Variants in SLC45A4 observed in about 807,000 individuals in gnomAD.
The protein encoded by SLC45A4 is polyamine-transporter SLC45A4.
In SLC45A4, 32 loss-of-function variants were observed where a neutral mutation model predicts 63.7. That is an observed-to-expected ratio of 0.50 (90% CI 0.38 to 0.67). The LOEUF (loss-of-function observed/expected upper bound fraction) is 0.67, where lower values mean the gene tolerates loss of function less well. Ranked by LOEUF, SLC45A4 falls within the 30% of genes least tolerant of loss-of-function variation. The pLI is 0.00. For missense variants in SLC45A4, 1,027 were observed against 1,157.7 expected, an observed-to-expected ratio of 0.89 and a Z score of 1.64; for synonymous variants, 535 against 510.0, an observed-to-expected ratio of 1.05 and a Z score of -0.66.
At chr8:141,291,239 A>C (rs1830336563) in intron 1 of SLC45A4, among the ~76,000 whole-genome samples, 1 of 152,204 alleles carries the variant, frequency 6.6e-6, no homozygotes, top group African/African-American at 2.4e-5. Flanking sequence ...TGTGAGAACA[A>C]GTTTACAGCT....
chr8:141,234,688 C>A (rs1390320919), intron 2 of SLC45A4, among the ~76,000 whole-genome samples: 1 of 152,200 alleles, frequency 6.6e-6, no homozygotes, highest in Non-Finnish European at 1.5e-5. Flanking sequence ...GGCCCTTAGA[C>A]CCTGTCAGGG....
chr8:141,301,317 TTA>T (rs540860533), intron 1 of SLC45A4, among the ~76,000 whole-genome samples: 243 of 152,328 alleles, frequency 1.6e-3, no homozygotes, highest in African/African-American at 5.6e-3. Context: ...TCAATGATAT[TTA>T]TGTTTCTGTG....
In SLC45A4 at chr8:141,254,004, T is replaced by C. The variant is rs770793974; in HGVS notation, c.226A>G (p.Ile76Val). 5 of 1,536,160 alleles carry C rather than the reference T, an allele frequency of 3.3e-6. No homozygotes were observed. The highest frequency in any genetic ancestry group is 1.4e-5 in the African/African-American group (1 of 73,170). ...GGAGACTTACCAATCTGCAACAGTA[T>C]TGGTGTGACCAGAGCGGTTTCCATG... Reference protein sequence around the residue: ...YAMETALVTPILLQIGLPEQY... With the variant: ...YAMETALVTPVLLQIGLPEQY... Residue 76 changes from isoleucine to valine, a missense_variant, in exon 2 of 9, where the codon ATA becomes GTA. Physicochemically the swap from Ile to Val is conservative, Grantham distance 29. Transcript: ENST00000517878. This position sits in a 1 kb window ranked among gnomAD's most constrained non-coding sequence, Gnocchi z 4.5.
In SLC45A4 at chr8:141,219,743, C is replaced by T. The variant is rs1826469423; in HGVS notation, c.517G>A (p.Asp173Asn). Residue 173 changes from aspartate to asparagine, a missense_variant, in exon 4 of 9, where the codon GAT (aspartate) becomes AAT (asparagine). By Grantham distance (23) the Asp-to-Asn change is conservative (BLOSUM62 1). Coordinates refer to ENST00000517878, the MANE Select transcript of SLC45A4 (RefSeq NM_001286646.2). Reference sequence around the variant, plus strand: ...GCACGGATGGGCCCCTCGGTGGCATCGGCGCTGAAGTCCAGGACCACCACT... The same window carrying T: ...GCACGGATGGGCCCCTCGGTGGCATTGGCGCTGAAGTCCAGGACCACCACT... The part of the protein sequence containing the change: ...LGVVVLDFSA[D>N]ATEGPIRAYL... The T allele has an allele frequency of 2.5e-6, 4 of 1,604,542 alleles. No individual in the cohort carries two copies. The highest frequency in any genetic ancestry group is 3.4e-6 in the Non-Finnish European group (4 of 1,176,036).
chr8:141,293,775 G>T (rs1652060662), intron 1 of SLC45A4, among the ~76,000 whole-genome samples: 1 of 151,790 alleles, frequency 6.6e-6, no homozygotes, highest in Non-Finnish European at 1.5e-5. Context: ...TCTACTAAAA[G>T]TACAAAAATC....
chr8:141,280,774 G>C (rs142399242), intron 1 of SLC45A4, among the ~76,000 whole-genome samples: 1 of 152,216 alleles, frequency 6.6e-6, no homozygotes, highest in Non-Finnish European at 1.5e-5. Flanking sequence ...AGCCTGACTC[G>C]CACAGGTAAC....
At chr8:141,241,207 G>A (rs1230540627) in intron 2 of SLC45A4, among the ~76,000 whole-genome samples, 1 of 152,272 alleles carries the variant, frequency 6.6e-6, no homozygotes, top group Non-Finnish European at 1.5e-5. Flanking sequence ...AGGCTGCGGT[G>A]AGCAGTGGCT....
At chr8:141,220,211 G>A (rs1240580577) in intron 3 of SLC45A4, among the ~76,000 whole-genome samples, 8 of 152,212 alleles carry the variant, frequency 5.3e-5, no homozygotes, top group Admixed American at 5.2e-4. Flanking sequence ...TAGTGCAGAC[G>A]CCCACAGGGA....
chr8:141,292,594 G>C (rs527728915), intron 1 of SLC45A4: 1 of 152,554 alleles, frequency 6.6e-6, no homozygotes, highest in African/African-American at 2.4e-5. Context: ...TGGAGTGGAA[G>C]CAGCAGCATG....
chr8:141,305,135 A>G (rs959457142), intron 1 of SLC45A4, among the ~76,000 whole-genome samples: 26 of 152,236 alleles, frequency 1.7e-4, no homozygotes, highest in African/African-American at 6.3e-4. Context: ...ACTCGGGGGA[A>G]AAGGCCACTA....
At chr8:141,236,952 T>A (rs1306118426) in intron 2 of SLC45A4, among the ~76,000 whole-genome samples, 1 of 152,228 alleles carries the variant, frequency 6.6e-6, no homozygotes, top group Non-Finnish European at 1.5e-5. Context: ...TATCCAGTCC[T>A]ATCAGTTCAA....
At chr8:141,235,933 C>T (rs1827604397) in intron 2 of SLC45A4, among the ~76,000 whole-genome samples, 1 of 152,196 alleles carries the variant, frequency 6.6e-6, no homozygotes, top group Middle Eastern at 3.4e-3. Context: ...GAAACCCCGT[C>T]TCTACTAAAA....
chr8:141,218,077 A>G lies in SLC45A4; in HGVS notation c.1563T>C (p.Ser521=). The change falls in exon 5 of 9, where the codon TCT becomes TCC. Residue 521 remains serine, a synonymous_variant. Transcript: ENST00000517878. The part of the protein sequence containing the change: ...LCLCHLLTWF[S]VIAEAVFYTD... The stretch of plus-strand genomic sequence containing the variant: ...TGTAGAACACGGCCTCGGCGATGAC[A>G]GAGAACCAGGTGAGGAGGTGGCAGA... 1 of 1,612,418 alleles carries G rather than the reference A, an allele frequency of 6.2e-7. No homozygotes were observed. Among genetic ancestry groups the G allele is most frequent in the East Asian group, 2.2e-5 (1 of 44,868 alleles).
intron 1 of SLC45A4, among the ~76,000 whole-genome samples, chr8:141,303,158 C>A (rs144266189): frequency 6.6e-6 from 1 of 151,790 alleles, no homozygotes; most frequent in Non-Finnish European, 1.5e-5. Context: ...ACACCGCATC[C>A]GGCTAATTTT....
Position 141,254,104 on chromosome 8 carries a change from C to G in SLC45A4, c.126G>C (p.Gly42=). ...GGCGCATGGGGATTCGGTCTATGGA[C>G]CCCTCGCTGATGGTCTCGCAGTTCT... The part of the protein sequence containing the change: ...EAENCETISE[G]SIDRIPMRLW... Residue 42 remains glycine (G), a synonymous_variant, in exon 2 of 9, where the codon GGG becomes GGC. Transcript: ENST00000517878. The surrounding 1 kb of genome is among the most constrained non-coding windows in gnomAD (Gnocchi z 4.5). 6.5e-7 allele frequency: 1 copy of G among 1,536,186 alleles called. No individual in the cohort carries two copies. Among genetic ancestry groups the G allele is most frequent in the Non-Finnish European group, 8.7e-7 (1 of 1,146,914 alleles).
In SLC45A4 at chr8:141,223,329, G is replaced by A. The variant is rs150368063; in HGVS notation, c.242-1564C>T. On this transcript the variant is annotated intron_variant, in intron 2 of 8. Coordinates refer to ENST00000517878, the MANE Select transcript of SLC45A4 (RefSeq NM_001286646.2). ...CCGCTGGATGGGTGAGAGTTTACAC[G>A]GCAGACCCGGGTTCCTCAGCTTCAC... Among the ~76,000 whole-genome samples, 24 of 152,314 alleles carry A rather than the reference G, an allele frequency of 1.6e-4. 1 individual carries two copies. The East Asian group carries it at 3.3e-3, about 21-fold the overall frequency.
chr8:141,283,111 T>G (rs1830013609), intron 1 of SLC45A4, among the ~76,000 whole-genome samples: 1 of 152,236 alleles, frequency 6.6e-6, no homozygotes, highest in African/African-American at 2.4e-5. Flanking sequence ...TTTTATGATT[T>G]TCTGCATCCA....
intron 1 of SLC45A4, among the ~76,000 whole-genome samples, chr8:141,304,338 C>T (rs1215529464): frequency 6.6e-6 from 1 of 152,068 alleles, no homozygotes; most frequent in African/African-American, 2.4e-5. Flanking sequence ...GCAGGCAGAT[C>T]ACTTGAGGTC....
intron 1 of SLC45A4, among the ~76,000 whole-genome samples, chr8:141,297,084 G>A (rs1830582959): frequency 6.6e-6 from 1 of 152,116 alleles, no homozygotes; most frequent in African/African-American, 2.4e-5. Context: ...GTCCCCCCCA[G>A]GTTTGCCACA....
Sources: gnomAD v4.1 joint callset for allele counts (sites outside exome capture counted in the v4.1 genomes callset) on GRCh38, gnomAD v4.1.1 for gene constraint, Gnocchi (gnomAD v3.1) non-coding constraint, MANE v1.5 for transcripts, NCBI Gene and HGNC (gene_info 2026-07-23, HGNC 2026-07-21) for gene names.